HPSE2: variants seen among roughly 807,000 people sequenced by gnomAD.
HPSE2 encodes the protein heparanase 2 (inactive).
In HPSE2, 38 loss-of-function variants were observed where a neutral mutation model predicts 60.5. The ratio of observed to expected loss-of-function variants is 0.63; its 90% confidence interval spans 0.48 to 0.82. The LOEUF is 0.82. Among genes scored for constraint, HPSE2 ranks in the 40% least tolerant of loss-of-function variants. The pLI is 0.00. For synonymous variants in HPSE2, 295 were observed against 293.2 expected (o/e 1.01, Z -0.06); for missense variants, 713 against 740.4 (o/e 0.96, Z 0.43).
At chr10:98,868,762 C>A (rs1487208120) in intron 3 of HPSE2, among the ~76,000 whole-genome samples, 1 of 152,110 alleles carries the variant, frequency 6.6e-6, no homozygotes, top group African/African-American at 2.4e-5. Flanking sequence ...ACTACCTTAG[C>A]AGTATCATAG....
At chr10:99,188,138 T>G (rs1848096000) in intron 2 of HPSE2, among the ~76,000 whole-genome samples, 1 of 152,196 alleles carries the variant, frequency 6.6e-6, no homozygotes, top group Non-Finnish European at 1.5e-5. Context: ...GACAAGTGTA[T>G]ATATACATTC....
intron 2 of HPSE2, among the ~76,000 whole-genome samples, chr10:99,144,737 A>G (rs993518907): frequency 2.6e-5 from 4 of 152,152 alleles, no homozygotes; most frequent in Non-Finnish European, 4.4e-5. Flanking sequence ...TTTCCATGGG[A>G]AAAAGTATTA....
At chr10:98,668,649 A>C (rs1271662520) in intron 6 of HPSE2, among the ~76,000 whole-genome samples, 1 of 152,198 alleles carries the variant, frequency 6.6e-6, no homozygotes, top group Non-Finnish European at 1.5e-5. Context: ...AAAAATAAGC[A>C]ATGTAGAAAC....
At chr10:99,005,553 AT>A (rs1300254265) in intron 3 of HPSE2, among the ~76,000 whole-genome samples, 1 of 151,890 alleles carries the variant, frequency 6.6e-6, no homozygotes, top group Non-Finnish European at 1.5e-5. Context: ...GTAGTTTACT[AT>A]TTTCCTGATT....
chr10:99,216,804 G>C (rs547520326), intron 2 of HPSE2, among the ~76,000 whole-genome samples: 24 of 152,196 alleles, frequency 1.6e-4, no homozygotes, highest in African/African-American at 5.8e-4. Flanking sequence ...AAAATTCCTG[G>C]CTATCTTATC....
chr10:98,819,078 C>T (rs533313635), intron 3 of HPSE2, among the ~76,000 whole-genome samples: 62 of 152,304 alleles, frequency 4.1e-4, no homozygotes, highest in African/African-American at 1.2e-3. Context: ...AGCCTGGACA[C>T]GGAGTAGGGG....
intron 6 of HPSE2, among the ~76,000 whole-genome samples, chr10:98,683,709 T>A (rs111285710): frequency 8.6e-5 from 13 of 151,912 alleles, no homozygotes; most frequent in Non-Finnish European, 2.9e-5. Flanking sequence ...AATATCTGAC[T>A]AATAAAAATT....
At chr10:98,595,468 C>A (rs1299051532) in intron 9 of HPSE2, among the ~76,000 whole-genome samples, 1 of 152,128 alleles carries the variant, frequency 6.6e-6, no homozygotes, top group Non-Finnish European at 1.5e-5. Flanking sequence ...CCACACCCGG[C>A]CAAATGAGAT....
chr10:99,145,531 T>C (rs1272674554), intron 2 of HPSE2, among the ~76,000 whole-genome samples: 1 of 152,132 alleles, frequency 6.6e-6, no homozygotes, highest in African/African-American at 2.4e-5. Flanking sequence ...TATTTATTAA[T>C]TTTTTACAAA....
intron 3 of HPSE2, among the ~76,000 whole-genome samples, chr10:98,903,003 C>T (rs1185991827): frequency 6.6e-6 from 1 of 151,786 alleles, no homozygotes; most frequent in South Asian, 2.1e-4. Context: ...TTCATAATAG[C>T]TAAAAGAGAG....
intron 3 of HPSE2, among the ~76,000 whole-genome samples, chr10:99,026,534 C>T (rs575532599): frequency 9.9e-5 from 15 of 152,152 alleles, no homozygotes; most frequent in Admixed American, 7.2e-4. Flanking sequence ...CTGGAAACTT[C>T]GACACCACAC....
intron 3 of HPSE2, among the ~76,000 whole-genome samples, chr10:98,946,165 A>C (rs1955177913): frequency 6.6e-6 from 1 of 152,030 alleles, no homozygotes; most frequent in Admixed American, 6.6e-5. Flanking sequence ...AGAAGGTTAA[A>C]ATTTGTCAAA....
chr10:98,577,100 C>T (rs1048305445), intron 9 of HPSE2, among the ~76,000 whole-genome samples: 2 of 151,860 alleles, frequency 1.3e-5, no homozygotes, highest in African/African-American at 4.8e-5. Flanking sequence ...CATATTTAAA[C>T]CTATAATTCT....
chr10:99,184,819 TAGAGAGAGAG>T (rs1177556672), intron 2 of HPSE2, among the ~76,000 whole-genome samples: 1,070 of 19,800 alleles, frequency 0.054, 146 homozygotes, highest in Non-Finnish European at 0.071. Context: ...TATATATATA[TAGAGAGAGAG>T]AGAGAGAGAG....
rs1314502441 is a variant in HPSE2, at chr10:98,935,736, A to T, written c.611-191680T>A. ...AAGGCATCTGCCAACCACTGTTGGG[A>T]GGTCTCACCCAGACAGAAGGCATGG... On this transcript the variant is annotated intron_variant, in intron 3 of 11. Coordinates refer to ENST00000370552, the MANE Select transcript of HPSE2 (RefSeq NM_021828.5). Among the ~76,000 whole-genome samples, 4 of 144,630 alleles carry T rather than the reference A, an allele frequency of 2.8e-5. 2 individuals are homozygous for T. The highest frequency in any genetic ancestry group is 1.1e-4 in the African/African-American group (4 of 35,888). The allele number at this position is 144,630 out of a possible 152,430, so 94.9% of individuals were successfully genotyped here.
intron 3 of HPSE2, among the ~76,000 whole-genome samples, chr10:99,100,859 TTTTCAACC>T (rs1410656803): frequency 6.6e-6 from 1 of 152,182 alleles, no homozygotes; most frequent in Non-Finnish European, 1.5e-5. Flanking sequence ...AAGAAAAGAA[TTTTCAACC>T]CAGAATTTCA....
rs79854839 is a variant in HPSE2, at chr10:98,710,729, G to A, written c.956+10928C>T. 3.3e-5 allele frequency among the ~76,000 whole-genome samples: 5 copies of A among 152,286 alleles called. No individual in the cohort carries two copies. In the East Asian group the frequency reaches 7.7e-4, roughly 23 times the overall value. The stretch of plus-strand genomic sequence containing the variant: ...CACACAGGCAGTTAATTGCAGAGCT[G>A]GGATTCAAACCCAATTCTGATTCTA... On this transcript the variant is annotated intron_variant, in intron 5 of 11. Transcript: ENST00000370552.
chr10:99,296,341 G>C, the HPSE2 span, among the ~76,000 whole-genome samples: 1 of 152,174 alleles, frequency 6.6e-6, no homozygotes, highest in Non-Finnish European at 1.5e-5. Flanking sequence ...GGTGGAAGCA[G>C]CTTTCAATCA....
chr10:99,195,463 CAA>C (rs1848363672), intron 2 of HPSE2, among the ~76,000 whole-genome samples: 1 of 150,298 alleles, frequency 6.7e-6, no homozygotes, highest in Non-Finnish European at 1.5e-5. Context: ...TGGAAAAAAA[CAA>C]AGACTCCATT....
Sources: allele counts gnomAD v4.1 joint callset (sites outside exome capture counted in the v4.1 genomes callset), GRCh38; gene constraint gnomAD v4.1.1; transcripts MANE v1.5; gene names NCBI Gene and HGNC (gene_info 2026-07-23, HGNC 2026-07-21).